FOXP2: variants seen among roughly 807,000 people sequenced by gnomAD.
FOXP2 encodes the protein forkhead box protein P2.
In FOXP2, 12 loss-of-function variants were observed where a neutral mutation model predicts 115.8. That is an observed-to-expected ratio of 0.10 (90% CI 0.07 to 0.17). FOXP2 has a LOEUF of 0.17. Ranked by LOEUF, FOXP2 falls within the 10% of genes least tolerant of loss-of-function variation. The pLI is 1.00. For synonymous variants in FOXP2, 328 were observed against 297.7 expected (o/e 1.10, Z -1.05); for missense variants, 629 against 843.5 (o/e 0.75, Z 3.15).
intron 2 of FOXP2, among the ~76,000 whole-genome samples, chr7:114,357,987 A>T (rs1442677122): frequency 6.6e-6 from 1 of 152,124 alleles, no homozygotes; most frequent in Non-Finnish European, 1.5e-5. Flanking sequence ...GTATCAAGAG[A>T]TGTGATCCTC....
At chr7:114,388,325 A>G (rs1328103996) in intron 2 of FOXP2, among the ~76,000 whole-genome samples, 3 of 152,148 alleles carry the variant, frequency 2.0e-5, no homozygotes, top group Admixed American at 2.0e-4. Flanking sequence ...CTGGTAAAAA[A>G]AAAATGGTCT....
chr7:114,559,110 G>A (rs756435163), intron 3 of FOXP2, among the ~76,000 whole-genome samples: 62 of 152,000 alleles, frequency 4.1e-4, no homozygotes, highest in Non-Finnish European at 2.2e-4. Flanking sequence ...TAGTCCATAA[G>A]TACTCTGCAG....
intron 1 of FOXP2, among the ~76,000 whole-genome samples, chr7:114,138,399 T>TTC (rs1271997360): frequency 6.6e-6 from 1 of 151,162 alleles, no homozygotes; most frequent in African/African-American, 2.4e-5. Context: ...TATTCTTTTT[T>TTC]TTTTTTTTTT....
At chr7:114,606,031 A>AG (rs1313324153) in intron 3 of FOXP2, among the ~76,000 whole-genome samples, 1 of 152,182 alleles carries the variant, frequency 6.6e-6, no homozygotes, top group Non-Finnish European at 1.5e-5. Context: ...TTAGAACTTG[A>AG]GGGAGTATAA....
At chr7:114,248,981 G>C (rs896295530) in intron 1 of FOXP2, among the ~76,000 whole-genome samples, 15 of 152,078 alleles carry the variant, frequency 9.9e-5, no homozygotes, top group Non-Finnish European at 1.5e-4. Flanking sequence ...AATATTTACT[G>C]TTCTTATCTT....
intron 2 of FOXP2, among the ~76,000 whole-genome samples, chr7:114,363,676 T>C (rs903277981): frequency 1.4e-4 from 21 of 152,096 alleles, no homozygotes; most frequent in African/African-American, 5.1e-4. Context: ...CATAATTTTT[T>C]TCATGTTGCA....
At chr7:114,461,095 C>T (rs1300241055) in intron 2 of FOXP2, among the ~76,000 whole-genome samples, 1 of 152,004 alleles carries the variant, frequency 6.6e-6, no homozygotes, top group Non-Finnish European at 1.5e-5. Context: ...GTCCAATAGC[C>T]CTCCTGCTGT....
At chr7:114,330,427 G>C (rs894294108) in intron 2 of FOXP2, among the ~76,000 whole-genome samples, 1 of 150,520 alleles carries the variant, frequency 6.6e-6, no homozygotes, top group African/African-American at 2.4e-5. Context: ...GAGCTCAGGA[G>C]TTCGAGAACA....
At chr7:114,128,178 A>T (rs1004179244) in intron 1 of FOXP2, among the ~76,000 whole-genome samples, 1 of 152,156 alleles carries the variant, frequency 6.6e-6, no homozygotes, top group Non-Finnish European at 1.5e-5. Flanking sequence ...ATATTTCTAC[A>T]GTTGTTTCTG....
At chr7:114,380,488 A>C (rs910434755) in intron 2 of FOXP2, among the ~76,000 whole-genome samples, 6 of 152,120 alleles carry the variant, frequency 3.9e-5, no homozygotes, top group Non-Finnish European at 8.8e-5. Context: ...TTAGTATACA[A>C]GTTGAGGTCG....
In FOXP2 at chr7:114,157,023, T is replaced by C. The variant is rs1156372953; in HGVS notation, c.-246-5921T>C. Among the ~76,000 whole-genome samples, 4 of 152,122 alleles carry C rather than the reference T, an allele frequency of 2.6e-5. No homozygotes were observed. In the East Asian group the frequency reaches 7.7e-4, roughly 29 times the overall value. On this transcript the variant is annotated intron_variant, in intron 1 of 19. Coordinates refer to the FOXP2 transcript ENST00000635638. Reference sequence around the variant, plus strand: ...GACAGATTTATTTATTTGGAAATAATGGCAGTGATAATTATTTCTTGCAGT... The same window carrying C: ...GACAGATTTATTTATTTGGAAATAACGGCAGTGATAATTATTTCTTGCAGT...
intron 6 of FOXP2, among the ~76,000 whole-genome samples, chr7:114,641,051 T>C (rs576157644): frequency 2.0e-5 from 3 of 152,316 alleles, no homozygotes; most frequent in African/African-American, 2.4e-5. Context: ...TTTCTTAATA[T>C]AGTATTTTAA....
chr7:114,597,254 C>T (rs1255969733), intron 3 of FOXP2, among the ~76,000 whole-genome samples: 1 of 151,978 alleles, frequency 6.6e-6, no homozygotes, highest in Admixed American at 6.6e-5. Context: ...GCCTTTCTGG[C>T]AGGAGTATAT....
chr7:114,117,785 C>G (rs1341896029), intron 1 of FOXP2, among the ~76,000 whole-genome samples: 1 of 152,094 alleles, frequency 6.6e-6, no homozygotes, highest in Non-Finnish European at 1.5e-5. Flanking sequence ...ATGTATTTCT[C>G]TTAGTTCTGC....
At chr7:114,104,339 A>C (rs1008884070) in intron 1 of FOXP2, among the ~76,000 whole-genome samples, 4 of 151,918 alleles carry the variant, frequency 2.6e-5, no homozygotes, top group African/African-American at 9.7e-5. Flanking sequence ...AAAAATGAAA[A>C]GTGCAAAAAG....
intron 1 of FOXP2, among the ~76,000 whole-genome samples, chr7:114,134,667 C>G (rs948582833): frequency 1.3e-5 from 2 of 149,510 alleles, no homozygotes; most frequent in East Asian, 4.0e-4. Flanking sequence ...GAGCCGAGAT[C>G]CCGCCACTGC....
At chr7:114,428,465 A>G (rs1793968163) in intron 2 of FOXP2, among the ~76,000 whole-genome samples, 1 of 151,578 alleles carries the variant, frequency 6.6e-6, no homozygotes, top group South Asian at 2.1e-4. Flanking sequence ...TATGCCCTTC[A>G]GATGACTGAG....
chr7:114,167,935 CA>C (rs34195375), intron 1 of FOXP2, among the ~76,000 whole-genome samples: 4,211 of 83,572 alleles, frequency 0.05, 136 homozygotes, highest in African/African-American at 0.15. Context: ...GACTCCATCT[CA>C]AAAAAAAAAA....
intron 2 of FOXP2, among the ~76,000 whole-genome samples, chr7:114,488,510 G>A (rs1053592389): frequency 1.3e-5 from 2 of 152,120 alleles, no homozygotes; most frequent in Non-Finnish European, 2.9e-5. Flanking sequence ...TTGAGATAAT[G>A]TGATCCATAG....
Sources: allele counts gnomAD v4.1 joint callset (sites outside exome capture counted in the v4.1 genomes callset), GRCh38; gene constraint gnomAD v4.1.1; transcripts MANE v1.5; gene names NCBI Gene and HGNC (gene_info 2026-07-23, HGNC 2026-07-21).